Variants in TPMT observed in about 807,000 individuals in gnomAD.
The protein encoded by TPMT is S-adenosyl-L-methionine:thiopurine S-methyltransferase.
Under a neutral mutation model 34.2 loss-of-function variants are expected in TPMT, and 18 were observed. That is an observed-to-expected ratio of 0.53 (90% CI 0.36 to 0.78). The LOEUF (loss-of-function observed/expected upper bound fraction) is 0.78. TPMT is among the 30% of genes least tolerant of loss of function. The pLI is 0.00. For missense variants in TPMT, 265 were observed against 288.1 expected (o/e 0.92, Z 0.58); for synonymous variants, 69 against 92.4 (o/e 0.75, Z 1.45).
rs538361641 is a variant in TPMT at position 18,149,471 on chromosome 6, G to GT, written c.-44-301dup. ...ATGCCCAGCTAATCTTTCTTTCCTT[G>GT]TTTTTTTTTTTTTCAGAGACAAGGT... On this transcript the variant is annotated intron_variant, in intron 1 of 8. Coordinates refer to ENST00000309983, the MANE Select transcript of TPMT (RefSeq NM_000367.5). This position sits in a 1 kb window ranked among gnomAD's most constrained non-coding sequence, Gnocchi z 5.0. Among the ~76,000 whole-genome samples, 1,444 of 140,194 alleles carry GT rather than the reference G, an allele frequency of 0.01. 21 individuals carry two copies. Among genetic ancestry groups the GT allele is most frequent in the African/African-American group, 0.03 (1,159 of 38,406 alleles). The allele number at this position is 140,194 out of a possible 152,430, so 92.0% of individuals were successfully genotyped here.
chr6:18,146,345 G>A lies in TPMT; in HGVS notation c.233+1478C>T, dbSNP rs1352992205. On this transcript the variant is annotated intron_variant, in intron 3 of 8. Coordinates refer to ENST00000309983, the MANE Select transcript of TPMT (RefSeq NM_000367.5). This position sits in a 1 kb window ranked among gnomAD's most constrained non-coding sequence, Gnocchi z 6.2. ...TTCTCAGGTAGTTGGGATTACAAGC[G>A]TACGCTGCCATGCCTGGCTAATTTT... Among the ~76,000 whole-genome samples, 1 of 152,026 alleles carries A rather than the reference G, an allele frequency of 6.6e-6. No individual in the cohort carries two copies. Among genetic ancestry groups the A allele is most frequent in the Non-Finnish European group, 1.5e-5 (1 of 68,020 alleles).
Position 18,132,080 on chromosome 6 carries a change from A to C in TPMT, c.625+53T>G. The C allele has an allele frequency of 6.2e-7, 1 of 1,602,032 alleles. No homozygotes were observed. The highest frequency in any genetic ancestry group is 8.6e-7 in the Non-Finnish European group (1 of 1,169,486). ...GCATGAGCCAGCACGCCAGGCCCAAAAGAGTTAACTTGACTTTGTTTAAAA... is the reference window on the plus strand; with the variant it reads ...GCATGAGCCAGCACGCCAGGCCCAACAGAGTTAACTTGACTTTGTTTAAAA... On this transcript the variant is annotated intron_variant, in intron 8 of 8. Coordinates refer to ENST00000309983, the MANE Select transcript of TPMT (RefSeq NM_000367.5). This position sits in a 1 kb window ranked among gnomAD's most constrained non-coding sequence, Gnocchi z 4.8.
Position 18,147,838 on chromosome 6 carries a change from G to A in TPMT, c.218C>T (p.Ala73Val), listed in dbSNP as rs281874771. The A allele has an allele frequency of 2.0e-5, 33 of 1,613,144 alleles. No individual in the cohort carries two copies. The highest frequency in any genetic ancestry group is 6.7e-5 in the East Asian group (3 of 44,824). ...LRVFFPLCGK[A>V]VEMKWFADRG... is the part of the protein sequence containing the mutation. The stretch of plus-strand genomic sequence containing the variant: ...CTGCTCATACCATTTCATCTCAACC[G>A]CTTTTCCGCAAAGAGGAAAAAATAC... Residue 73 changes from alanine (A) to valine (V), a missense_variant, in exon 3 of 9, where the codon GCG becomes GTG. Ala to Val is a moderately conservative substitution (Grantham distance 64, BLOSUM62 0). Coordinates refer to ENST00000309983, the MANE Select transcript of TPMT (RefSeq NM_000367.5).
In TPMT at chr6:18,143,535, C is replaced by A. The variant is rs1582044106; in HGVS notation, c.366+61G>T. The A allele has an allele frequency of 3.1e-6, 5 of 1,601,948 alleles. No homozygotes were observed. The highest frequency in any genetic ancestry group is 2.2e-5 in the East Asian group (1 of 44,740). On this transcript the variant is annotated intron_variant, in intron 4 of 8. Coordinates refer to ENST00000309983, the MANE Select transcript of TPMT (RefSeq NM_000367.5). This position sits in a 1 kb window ranked among gnomAD's most constrained non-coding sequence, Gnocchi z 6.1. Reference sequence around the variant, plus strand: ...ACATGAATGGTATCCTCATAATACTCACACTGAGAAAAACTTTTGTGGGGA... The same window carrying A: ...ACATGAATGGTATCCTCATAATACTAACACTGAGAAAAACTTTTGTGGGGA...
intron 6 of TPMT, among the ~76,000 whole-genome samples, chr6:18,137,139 T>C (rs371799132): frequency 6.8e-6 from 1 of 146,350 alleles, no homozygotes; most frequent in Non-Finnish European, 1.5e-5. Context: ...TTTTTTTTGG[T>C]TGTTTGTTTG....
At position 18,132,039 on chromosome 6, in the gene TPMT, A is replaced by G; in HGVS notation, c.625+94T>C. 7.1e-7 allele frequency: 1 copy of G among 1,405,056 alleles called. No individual in the cohort carries two copies. The highest frequency in any genetic ancestry group is 1.0e-6 in the Non-Finnish European group (1 of 995,358). 87.0% of individuals were successfully genotyped at this position (1,405,056 alleles called of 1,614,324 possible). A position where few individuals can be genotyped will look rare whatever the true frequency, so the allele number is the denominator to read the frequency against. ...TGATCTGCCCACCTTGGCCTCCCAA[A>G]GTGCTGGAAATACAGGCATGAGCCA... On this transcript the variant is annotated intron_variant, in intron 8 of 8. Transcript: ENST00000309983. The surrounding 1 kb of genome is among the most constrained non-coding windows in gnomAD (Gnocchi z 4.8).
In TPMT at chr6:18,131,037, T is replaced by C. The variant is rs971032284; in HGVS notation, c.626-257A>G. Among the ~76,000 whole-genome samples the C allele has an allele frequency of 5.9e-5, 9 of 151,714 alleles. No individual in the cohort carries two copies. Among genetic ancestry groups the C allele is most frequent in the African/African-American group, 1.7e-4 (7 of 41,278 alleles). Reference sequence around the variant, plus strand: ...CCTGTAATCCCAGCTACTTGGGAGGTTGAGGCAGGAGAATCGCTTGAACCC... The same window carrying C: ...CCTGTAATCCCAGCTACTTGGGAGGCTGAGGCAGGAGAATCGCTTGAACCC... On this transcript the variant is annotated intron_variant, in intron 8 of 8. Transcript: ENST00000309983. The surrounding 1 kb of genome is among the most constrained non-coding windows in gnomAD (Gnocchi z 4.3).
Position 18,149,160 on chromosome 6 carries a change from T to G in TPMT, c.-33A>C. On this transcript the variant is annotated 5_prime_UTR_variant, in exon 2 of 9. Coordinates refer to ENST00000309983, the MANE Select transcript of TPMT (RefSeq NM_000367.5). This position sits in a 1 kb window ranked among gnomAD's most constrained non-coding sequence, Gnocchi z 5.0. ...GAGACACCTTTGTCTCACAAGCATATGTCTTCCGTGCCTACGTGGAAAATA... is the reference window on the plus strand; with the variant it reads ...GAGACACCTTTGTCTCACAAGCATAGGTCTTCCGTGCCTACGTGGAAAATA... 1 of 1,613,858 alleles carries G rather than the reference T, an allele frequency of 6.2e-7. No individual in the cohort carries two copies. The highest frequency in any genetic ancestry group is 1.1e-5 in the South Asian group (1 of 91,078).
In TPMT at chr6:18,140,013, G is replaced by A. The variant is rs773033697; in HGVS notation, c.367-296C>T. On this transcript the variant is annotated intron_variant, in intron 4 of 8. Coordinates refer to ENST00000309983, the MANE Select transcript of TPMT (RefSeq NM_000367.5). The surrounding 1 kb of genome is among the most constrained non-coding windows in gnomAD (Gnocchi z 4.7). Reference sequence around the variant, plus strand: ...AATTCTAACAATGTTTCCTCGAGCAGAGTGATATTTTTACTCTGCTAAAGA... The same window carrying A: ...AATTCTAACAATGTTTCCTCGAGCAAAGTGATATTTTTACTCTGCTAAAGA... Among the ~76,000 whole-genome samples, 1 of 152,148 alleles carries A rather than the reference G, an allele frequency of 6.6e-6. No individual in the cohort carries two copies. Among genetic ancestry groups the A allele is most frequent in the Non-Finnish European group, 1.5e-5 (1 of 68,018 alleles).
rs770719462 is a variant in TPMT at position 18,150,709 on chromosome 6, C to T, written c.-44-1538G>A. ...TTTTCCATTTTGCATGTATAAAACA[C>T]GGTTAGACTATTCCTCATCCTTGAT... On this transcript the variant is annotated intron_variant, in intron 1 of 8. Transcript: ENST00000309983. The surrounding 1 kb of genome is among the most constrained non-coding windows in gnomAD (Gnocchi z 5.3). Among the ~76,000 whole-genome samples, 14 of 152,148 alleles carry T rather than the reference C, an allele frequency of 9.2e-5. No homozygotes were observed. The highest frequency in any genetic ancestry group is 3.8e-4 in the East Asian group (2 of 5,202).
chr6:18,154,647 C>T lies in TPMT; in HGVS notation c.-45+386G>A, dbSNP rs1054933234. 2.0e-5 allele frequency among the ~76,000 whole-genome samples: 3 copies of T among 152,086 alleles called. No homozygotes were observed. Among genetic ancestry groups the T allele is most frequent in the East Asian group, 3.9e-4 (2 of 5,176 alleles). On this transcript the variant is annotated intron_variant, in intron 1 of 8. Transcript: ENST00000309983. This position sits in a 1 kb window ranked among gnomAD's most constrained non-coding sequence, Gnocchi z 4.2. ...AATTAGCCAAGCGTGGTGCAGCGAG[C>T]CTGTAGTCCCAGTTACCGAGGAGGC...
chr6:18,147,549 G>A (rs3898137), intron 3 of TPMT, among the ~76,000 whole-genome samples: 49,688 of 152,022 alleles, frequency 0.33, 8,817 homozygotes, highest in Non-Finnish European at 0.39. Context: ...AAGGATCCAG[G>A]AAATGTAAAA....
Position 18,130,990 on chromosome 6 carries a change from G to A in TPMT, c.626-210C>T, listed in dbSNP as rs1297463499. 6.6e-6 allele frequency among the ~76,000 whole-genome samples: 1 copy of A among 151,994 alleles called. No individual in the cohort carries two copies. The highest frequency in any genetic ancestry group is 1.5e-5 in the Non-Finnish European group (1 of 67,984). ...TCTGTCTCTACTAAAAATACAAAAT[G>A]AGCTGGGTATGGTGGCACATGCCTG... On this transcript the variant is annotated intron_variant, in intron 8 of 8. Coordinates refer to ENST00000309983, the MANE Select transcript of TPMT (RefSeq NM_000367.5). The surrounding 1 kb of genome is among the most constrained non-coding windows in gnomAD (Gnocchi z 4.2).
rs1306303439 is a variant in TPMT at position 18,139,725 on chromosome 6, G to T, written c.367-8C>A. ...AATGTTCCCCGAAGAACTCTGTAAT[G>T]AAATAATGAAAAAAAAATTTTTTTT... On this transcript the variant is annotated splice_polypyrimidine_tract_variant and splice_region_variant and intron_variant, in intron 4 of 8. Transcript: ENST00000309983. The surrounding 1 kb of genome is among the most constrained non-coding windows in gnomAD (Gnocchi z 4.2). 2 of 1,569,108 alleles carry T rather than the reference G, an allele frequency of 1.3e-6. No individual in the cohort carries two copies. The highest frequency in any genetic ancestry group is 1.7e-6 in the Non-Finnish European group (2 of 1,158,138).
Position 18,154,363 on chromosome 6 carries a change from GT to G in TPMT, c.-45+669del, listed in dbSNP as rs1307673174. The stretch of plus-strand genomic sequence containing the variant: ...TTTCAAAAGCTTCTGCTATAGTTTT[GT>G]TTTTAAATTTCATAAAATTGAGAAG... On this transcript the variant is annotated intron_variant, in intron 1 of 8. Transcript: ENST00000309983. The surrounding 1 kb of genome is among the most constrained non-coding windows in gnomAD (Gnocchi z 4.2). Among the ~76,000 whole-genome samples, 3 of 152,094 alleles carry G rather than the reference GT, an allele frequency of 2.0e-5. No homozygotes were observed. The highest frequency in any genetic ancestry group is 4.4e-5 in the Non-Finnish European group (3 of 68,004).
At position 18,143,365 on chromosome 6, in the gene TPMT, T is replaced by C. The variant is rs1784182824; in HGVS notation, c.366+231A>G. On this transcript the variant is annotated intron_variant, in intron 4 of 8. Coordinates refer to ENST00000309983, the MANE Select transcript of TPMT (RefSeq NM_000367.5). The surrounding 1 kb of genome is among the most constrained non-coding windows in gnomAD (Gnocchi z 6.1). ...TAAAAATAAAACAAGCCTAAAAGCT[T>C]GAGTACAGAGAGGCTTTGACCTCAG... Among the ~76,000 whole-genome samples the C allele has an allele frequency of 6.6e-6, 1 of 152,170 alleles. No homozygotes were observed. The highest frequency in any genetic ancestry group is 1.5e-5 in the Non-Finnish European group (1 of 68,016).
Position 18,148,102 on chromosome 6 carries a change from C to T in TPMT, c.141-187G>A, listed in dbSNP as rs1278183748. 6.6e-6 allele frequency among the ~76,000 whole-genome samples: 1 copy of T among 152,146 alleles called. No homozygotes were observed. The highest frequency in any genetic ancestry group is 1.5e-5 in the Non-Finnish European group (1 of 68,042). ...CACACCCAGTCAGTGGTAAATCTGACTTACACCCAGGGCTTTCCTGATTAG... is the reference window on the plus strand; with the variant it reads ...CACACCCAGTCAGTGGTAAATCTGATTTACACCCAGGGCTTTCCTGATTAG... On this transcript the variant is annotated intron_variant, in intron 2 of 8. Transcript: ENST00000309983. This position sits in a 1 kb window ranked among gnomAD's most constrained non-coding sequence, Gnocchi z 4.1.
rs1784042313 is a variant in TPMT, at chr6:18,136,489, T to C, written c.494+2474A>G. Among the ~76,000 whole-genome samples the C allele has an allele frequency of 6.6e-6, 1 of 152,206 alleles. No individual in the cohort carries two copies. Among genetic ancestry groups the C allele is most frequent in the African/African-American group, 2.4e-5 (1 of 41,448 alleles). On this transcript the variant is annotated intron_variant, in intron 6 of 8. Coordinates refer to ENST00000309983, the MANE Select transcript of TPMT (RefSeq NM_000367.5). This position sits in a 1 kb window ranked among gnomAD's most constrained non-coding sequence, Gnocchi z 4.7. ...AGTAAATATTTGTTGAATAGCTGAATGAAAGTAACAGAATTGATCTTTAAA... is the reference window on the plus strand; with the variant it reads ...AGTAAATATTTGTTGAATAGCTGAACGAAAGTAACAGAATTGATCTTTAAA...
At chr6:18,147,112 TTC>T (rs928077825) in intron 3 of TPMT, among the ~76,000 whole-genome samples, 2 of 152,150 alleles carry the variant, frequency 1.3e-5, no homozygotes, top group Non-Finnish European at 2.9e-5. Context: ...TTTTCATACA[TTC>T]TTTTTTCTTT....
Sources: gnomAD v4.1 joint callset for allele counts (sites outside exome capture counted in the v4.1 genomes callset) on GRCh38, gnomAD v4.1.1 for gene constraint, Gnocchi (gnomAD v3.1) non-coding constraint, MANE v1.5 for transcripts, NCBI Gene and HGNC (gene_info 2026-07-23, HGNC 2026-07-21) for gene names.